Variants in KCNT2 observed in about 807,000 individuals in gnomAD.
KCNT2 encodes potassium sodium-activated channel subfamily T member 2, also known as potassium channel subfamily T member 2.
In KCNT2, 67 loss-of-function variants were observed where a neutral mutation model predicts 153.8. The ratio of observed to expected loss-of-function variants is 0.44; its 90% CI spans 0.36 to 0.53. The LOEUF is 0.53. Ranked by LOEUF, KCNT2 falls within the 20% of genes least tolerant of loss-of-function variation. The pLI, the probability that KCNT2 is intolerant of heterozygous loss-of-function variation, is 0.00. For missense variants in KCNT2, 975 were observed against 1,354.8 expected (o/e 0.72, Z 4.40); for synonymous variants, 500 against 458.8 (o/e 1.09, Z -1.15).
intron 14 of KCNT2, among the ~76,000 whole-genome samples, chr1:196,366,447 C>T (rs1457589731): frequency 1.3e-5 from 2 of 152,126 alleles, no homozygotes; most frequent in East Asian, 1.9e-4. Context: ...GCGTGAGCCA[C>T]CACACCCGGC....
At chr1:196,345,727 T>C (rs1666084274) in intron 14 of KCNT2, among the ~76,000 whole-genome samples, 1 of 152,150 alleles carries the variant, frequency 6.6e-6, no homozygotes, top group Non-Finnish European at 1.5e-5. Flanking sequence ...TGTTAGATTC[T>C]GGGTATGTTC....
chr1:196,352,958 T>TA (rs1284740756), intron 14 of KCNT2, among the ~76,000 whole-genome samples: 1 of 152,142 alleles, frequency 6.6e-6, no homozygotes, highest in Non-Finnish European at 1.5e-5. Flanking sequence ...TTTCTTTATG[T>TA]ACCCAGTAGT....
chr1:196,444,972 C>G (rs940248019), intron 8 of KCNT2, among the ~76,000 whole-genome samples: 1 of 151,402 alleles, frequency 6.6e-6, no homozygotes, highest in South Asian at 2.1e-4. Flanking sequence ...AGAAATGCTA[C>G]TAAATTCAGT....
intron 3 of KCNT2, among the ~76,000 whole-genome samples, chr1:196,484,817 G>C (rs1679294517): frequency 6.6e-6 from 1 of 151,980 alleles, no homozygotes; most frequent in Non-Finnish European, 1.5e-5. Flanking sequence ...AATAGATGCT[G>C]GAGAATTAGG....
Position 196,340,579 on chromosome 1 carries a change from A to T in KCNT2, c.1554-9T>A, listed in dbSNP as rs747072297. 39 of 1,366,998 alleles carry T rather than the reference A, an allele frequency of 2.9e-5. No homozygotes were observed. The highest frequency in any genetic ancestry group is 1.9e-4 in the Middle Eastern group (1 of 5,272). 84.7% of individuals were successfully genotyped at this position (1,366,998 alleles called of 1,614,324 possible). ...TCAAGCAGACGCCAAACCTTAATTT[A>T]AAAAAAAAGAGAGTTTGTAAGAAAA... On this transcript the variant is annotated splice_polypyrimidine_tract_variant and intron_variant, in intron 15 of 27. Transcript: ENST00000294725.
intron 12 of KCNT2, among the ~76,000 whole-genome samples, chr1:196,410,415 T>A (rs1672194993): frequency 6.6e-6 from 1 of 151,340 alleles, no homozygotes; most frequent in Non-Finnish European, 1.5e-5. Flanking sequence ...TGGGGCCTGT[T>A]GTGGGGTGAG....
chr1:196,436,094 A>C (rs1205253792), intron 8 of KCNT2, among the ~76,000 whole-genome samples: 2 of 151,300 alleles, frequency 1.3e-5, no homozygotes, highest in Non-Finnish European at 3.0e-5. Context: ...GTTTGATTTA[A>C]AAACAGAGAA....
intron 1 of KCNT2, among the ~76,000 whole-genome samples, chr1:196,583,271 T>G (rs970651642): frequency 1.3e-5 from 2 of 152,230 alleles, no homozygotes; most frequent in Middle Eastern, 3.4e-3. Flanking sequence ...TAAAAAGAAT[T>G]TAATAATCCA....
intron 3 of KCNT2, 47 bp from the exon 4 acceptor site, chr1:196,482,426 C>T (rs755064008): frequency 9.7e-7 from 1 of 1,031,534 alleles, no homozygotes; most frequent in Non-Finnish European, 1.4e-6. Flanking sequence ...TATGAAAAAT[C>T]TATTCACTTT....
At chr1:196,404,456 G>A (rs543166678) in intron 12 of KCNT2, among the ~76,000 whole-genome samples, 2 of 151,594 alleles carry the variant, frequency 1.3e-5, no homozygotes, top group East Asian at 2.0e-4. Context: ...TTTATTAAAC[G>A]TTTCCCAAAC....
Position 196,319,530 on chromosome 1 carries a change from T to C in KCNT2, c.2302A>G (p.Ile768Val), listed in dbSNP as rs1663070064. The part of the protein sequence containing the change: ...NPPDMHFLDA[I>V]CWFPMVYYMV... Reference sequence around the variant, plus strand: ...TAGTAAACCATTGGAAACCAACAGATTGCATCCAGAAAATGCATATCTGGC... The same window carrying C: ...TAGTAAACCATTGGAAACCAACAGACTGCATCCAGAAAATGCATATCTGGC... The change falls in exon 20 of 28, where the codon ATC becomes GTC. Residue 768 changes from isoleucine (I) to valine (V), a missense_variant. Around this residue, in one of 6 missense-constraint regions of KCNT2, gnomAD observed 325 missense variants for 388.1 expected, o/e 0.84. Coordinates refer to ENST00000294725, the MANE Select transcript of KCNT2 (RefSeq NM_198503.5). The C allele has an allele frequency of 1.9e-6, 3 of 1,609,826 alleles. No individual in the cohort carries two copies. The highest frequency in any genetic ancestry group is 1.3e-5 in the African/African-American group (1 of 74,574).
Position 196,340,396 on chromosome 1 carries a change from C to A in KCNT2, c.1728G>T (p.Arg576Ser). 7 of 1,612,744 alleles carry A rather than the reference C, an allele frequency of 4.3e-6. 1 individual carries two copies. In the South Asian group the frequency reaches 7.7e-5, roughly 18 times the overall value. ...ATCTGGAAGGTCCATGATAAAACGA[C>A]CTGGACACATTGCTTTTTCTCTGCT... ...QDQQRKSNVS[R>S]SFYHGPSRLP... The change falls in exon 16 of 28, where the codon AGG becomes AGT. Residue 576 changes from arginine (R) to serine (S), a missense_variant. Physicochemically the swap from Arg to Ser is moderately radical, Grantham distance 110. Around this residue, in one of 6 missense-constraint regions of KCNT2, gnomAD observed 325 missense variants for 388.1 expected, o/e 0.84. Coordinates refer to ENST00000294725, the MANE Select transcript of KCNT2 (RefSeq NM_198503.5).
At chr1:196,453,524 C>G (rs370636448) in intron 8 of KCNT2, among the ~76,000 whole-genome samples, 4 of 151,922 alleles carry the variant, frequency 2.6e-5, no homozygotes, top group African/African-American at 9.7e-5. Context: ...TTCCAATAGA[C>G]AGTAATTTTT....
chr1:196,264,212 C>T (rs187950836), intron 25 of KCNT2, among the ~76,000 whole-genome samples: 6 of 152,216 alleles, frequency 3.9e-5, no homozygotes, highest in Admixed American at 3.9e-4. Flanking sequence ...CATGTAACTG[C>T]TAACCACTTG....
intron 12 of KCNT2, among the ~76,000 whole-genome samples, chr1:196,403,304 G>A (rs74427223): frequency 6.6e-6 from 1 of 151,578 alleles, no homozygotes; most frequent in South Asian, 2.1e-4. Flanking sequence ...AATCTGAAAA[G>A]GCTACATACT....
Position 196,285,777 on chromosome 1 carries a change from T to G in KCNT2, c.2596-19A>C. The G allele has an allele frequency of 6.7e-7, 1 of 1,485,796 alleles. No individual in the cohort carries two copies. The highest frequency in any genetic ancestry group is 9.4e-7 in the Non-Finnish European group (1 of 1,065,012). The allele number at this position is 1,485,796 out of a possible 1,614,324, so 92.0% of individuals were successfully genotyped here. A position where few individuals can be genotyped will look rare whatever the true frequency, so the allele number is the denominator to read the frequency against. ...GTTCTTTCTGTTCAGAAATTTGAGA[T>G]AGAAAAATTTGTGAGCATTCCACAT... On this transcript the variant is annotated intron_variant, in intron 22 of 27. Transcript: ENST00000294725.
At chr1:196,430,893 G>C (rs1333906065) in intron 8 of KCNT2, among the ~76,000 whole-genome samples, 1 of 152,122 alleles carries the variant, frequency 6.6e-6, no homozygotes, top group Non-Finnish European at 1.5e-5. Flanking sequence ...AATTGCTATG[G>C]TTTGAATGCT....
chr1:196,251,738 A>G (rs1655990001), intron 26 of KCNT2, among the ~76,000 whole-genome samples: 1 of 151,952 alleles, frequency 6.6e-6, no homozygotes, highest in Admixed American at 6.6e-5. Flanking sequence ...TTTAAAAATA[A>G]CTAAAAGAGT....
intron 1 of KCNT2, among the ~76,000 whole-genome samples, chr1:196,606,415 T>A (rs1245482376): frequency 6.6e-6 from 1 of 152,210 alleles, no homozygotes; most frequent in Admixed American, 6.5e-5. Flanking sequence ...TGAATGATTG[T>A]TTTAAATATT....
Sources: allele counts gnomAD v4.1 joint callset (sites outside exome capture counted in the v4.1 genomes callset), GRCh38; gene constraint gnomAD v4.1.1; regional missense constraint gnomAD v4.1.1; transcripts MANE v1.5; gene names NCBI Gene and HGNC (gene_info 2026-07-23, HGNC 2026-07-21).